The following DZIP1 variants were observed in gnomAD, a reference collection of about 807,000 sequenced individuals.
The protein encoded by DZIP1 is cilium assembly protein DZIP1.
DZIP1 carries 97 observed loss-of-function variants against 107.6 expected under a neutral mutation model. The observed-to-expected ratio is 0.90, with a 90% CI of 0.77 to 1.07. The LOEUF is 1.07. DZIP1 is among the 50% of genes least tolerant of loss of function. The pLI, the probability that DZIP1 is intolerant of heterozygous loss-of-function variation, is 0.00. For missense variants in DZIP1, 1,035 were observed against 1,063.6 expected, an observed-to-expected ratio of 0.97 and a Z score of 0.37; for synonymous variants, 390 against 386.4, an observed-to-expected ratio of 1.01 and a Z score of -0.11.
At chr13:95,620,101 A>C (rs1281456301) in intron 9 of DZIP1, among the ~76,000 whole-genome samples, 154 bp from the exon 10 acceptor site, 5 of 152,228 alleles carry the variant, frequency 3.3e-5, no homozygotes, top group African/African-American at 1.2e-4. Flanking sequence ...TCCCCACTCA[A>C]ATCTCATGTG....
intron 7 of DZIP1, among the ~76,000 whole-genome samples, chr13:95,627,886 A>G (rs1876731758): frequency 6.6e-6 from 1 of 152,250 alleles, no homozygotes; most frequent in Admixed American, 6.5e-5. Context: ...AATGAATCAA[A>G]TGTCATTCAA....
At chr13:95,603,619 C>A (rs763265321) in intron 14 of DZIP1, among the ~76,000 whole-genome samples, 19 of 152,238 alleles carry the variant, frequency 1.2e-4, no homozygotes, top group Non-Finnish European at 2.1e-4. Context: ...CTAATACCAC[C>A]ATTTAGTCAC....
intron 11 of DZIP1, 148 bp from the exon 12 acceptor site, chr13:95,611,641 G>A (rs1470248258): frequency 3.0e-6 from 2 of 675,824 alleles, no homozygotes; most frequent in African/African-American, 3.7e-5. Context: ...AAAGCATAGA[G>A]GCAGAAGTTA....
chr13:95,643,352 A>T (rs1878747072), intron 2 of DZIP1, 95 bp from the exon 3 acceptor site: 1 of 152,226 alleles, frequency 6.6e-6, no homozygotes, highest in Non-Finnish European at 1.5e-5. Flanking sequence ...CACTTTCAAG[A>T]TATTGTTAAC....
At chr13:95,623,058 A>T (rs970608047) in intron 8 of DZIP1, among the ~76,000 whole-genome samples, 12 of 152,064 alleles carry the variant, frequency 7.9e-5, no homozygotes, top group Non-Finnish European at 1.0e-4. Context: ...GGGGCTTAAA[A>T]TTTTTTATGG....
chr13:95,582,156 A>G lies in DZIP1; in HGVS notation c.*78T>C, dbSNP rs2044023874. On this transcript the variant is annotated 3_prime_UTR_variant, in exon 23 of 23. Coordinates refer to ENST00000376829, the MANE Select transcript of DZIP1 (RefSeq NM_198968.4). ...AAACACGGTAAGGCAGAAGCACTAG[A>G]ATCATGGAGGCAAATTACTGAAACA... 2 of 1,396,198 alleles carry G rather than the reference A, an allele frequency of 1.4e-6. No individual in the cohort carries two copies. Among genetic ancestry groups the G allele is most frequent in the East Asian group, 4.6e-5 (2 of 43,738 alleles). The allele number at this position is 1,396,198 out of a possible 1,614,324, so 86.5% of individuals were successfully genotyped here. A position where few individuals can be genotyped will look rare whatever the true frequency, so the allele number is the denominator to read the frequency against.
At chr13:95,619,203 AGGAAAGGTC>A (rs1875509411) in intron 10 of DZIP1, among the ~76,000 whole-genome samples, 2 of 152,246 alleles carry the variant, frequency 1.3e-5, no homozygotes, top group African/African-American at 4.8e-5. Flanking sequence ...TTTAAAACTT[AGGAAAGGTC>A]TATGATATAT....
At chr13:95,596,615 T>C (rs983697868) in intron 15 of DZIP1, among the ~76,000 whole-genome samples, 1 of 152,184 alleles carries the variant, frequency 6.6e-6, no homozygotes, top group East Asian at 1.9e-4. Flanking sequence ...ATGTTGTCAC[T>C]AATTAAACTC....
chr13:95,623,678 C>T (rs1876182520), intron 8 of DZIP1, among the ~76,000 whole-genome samples: 1 of 152,182 alleles, frequency 6.6e-6, no homozygotes, highest in South Asian at 2.1e-4. Context: ...CAGTGGCCCA[C>T]AAATGTAATC....
At chr13:95,610,727 T>C (rs972741571) in intron 12 of DZIP1, among the ~76,000 whole-genome samples, 1 of 152,302 alleles carries the variant, frequency 6.6e-6, no homozygotes, top group Admixed American at 6.5e-5. Context: ...GACTTGAATG[T>C]CCCCTCAGAA....
chr13:95,590,197 A>G (rs2044274489), intron 17 of DZIP1, 82 bp downstream of exon 17: 1 of 1,309,858 alleles, frequency 7.6e-7, no homozygotes, highest in East Asian at 2.3e-5. Flanking sequence ...AATTTGTTTA[A>G]TGATATCTTG....
Position 95,641,882 on chromosome 13 carries a change from C to T in DZIP1, c.37-27G>A. ...TGCGGGGGGCACAAAGAGAGCGCGG[C>T]GGGAGGCGGGGATGGGGGGCGGGCA... On this transcript the variant is annotated intron_variant, in intron 4 of 22. Transcript: ENST00000376829. This position sits in a 1 kb window ranked among gnomAD's most constrained non-coding sequence, Gnocchi z 4.3. 2 of 377,538 alleles carry T rather than the reference C, an allele frequency of 5.3e-6. No homozygotes were observed. The highest frequency in any genetic ancestry group is 7.8e-6 in the Non-Finnish European group (2 of 257,524). 23.4% of individuals were successfully genotyped at this position (377,538 alleles called of 1,614,324 possible).
At chr13:95,632,554 C>T (rs752657224) in intron 6 of DZIP1, among the ~76,000 whole-genome samples, 3 of 152,172 alleles carry the variant, frequency 2.0e-5, no homozygotes, top group South Asian at 2.1e-4. Context: ...TCCACTGTCG[C>T]CCCAACAGTA....
chr13:95,637,503 C>T (rs533708280), intron 5 of DZIP1, among the ~76,000 whole-genome samples: 20 of 152,090 alleles, frequency 1.3e-4, no homozygotes, highest in Non-Finnish European at 2.8e-4. Flanking sequence ...ACTTGCAAGG[C>T]TGAGGCGGAA....
chr13:95,616,851 C>T (rs1875149311), intron 10 of DZIP1, among the ~76,000 whole-genome samples: 1 of 152,044 alleles, frequency 6.6e-6, no homozygotes, highest in Admixed American at 6.5e-5. Flanking sequence ...AATCTGTGGA[C>T]TTTGAGGTTA....
chr13:95,621,664 C>CTGTGTGTG (rs1282902879), intron 9 of DZIP1, among the ~76,000 whole-genome samples: 36 of 86,282 alleles, frequency 4.2e-4, no homozygotes, highest in Non-Finnish European at 7.7e-4. Context: ...GACCAGTTAG[C>CTGTGTGTG]AGTGTGTGTG....
chr13:95,616,550 CAAAT>C (rs1357360553), intron 10 of DZIP1, among the ~76,000 whole-genome samples: 2 of 152,080 alleles, frequency 1.3e-5, no homozygotes, highest in Non-Finnish European at 2.9e-5. Flanking sequence ...AACAAGGAAA[CAAAT>C]AAGCAAGTAA....
rs145695009 is a variant in DZIP1 at position 95,584,905 on chromosome 13, C to T, written c.2355G>A (p.Ala785=). 224 of 1,609,190 alleles carry T rather than the reference C, an allele frequency of 1.4e-4. No individual in the cohort carries two copies. The highest frequency in any genetic ancestry group is 8.0e-4 in the East Asian group (36 of 44,834). The part of the protein sequence containing the change: ...KKEELQELKC[A]DVEDEDWDIS... ...TGTCCCAGTCTTCATCCTCCACATC[C>T]GCACACTAAAAGAAAGGCATGGAGA... Residue 785 remains alanine, a synonymous_variant, in exon 22 of 23, where the codon GCG becomes GCA. Transcript: ENST00000376829.
rs2044023202 is a variant in DZIP1 at position 95,582,135 on chromosome 13, A to G, written c.*99T>C. On this transcript the variant is annotated 3_prime_UTR_variant, in exon 23 of 23. Coordinates refer to ENST00000376829, the MANE Select transcript of DZIP1 (RefSeq NM_198968.4). ...CAGTCTCTGTGTTGCTGTGGGAAACACGGTAAGGCAGAAGCACTAGAATCA... is the reference window on the plus strand; with the variant it reads ...CAGTCTCTGTGTTGCTGTGGGAAACGCGGTAAGGCAGAAGCACTAGAATCA... 1 of 1,137,270 alleles carries G rather than the reference A, an allele frequency of 8.8e-7. No individual in the cohort carries two copies. Among genetic ancestry groups the G allele is most frequent in the South Asian group, 1.3e-5 (1 of 77,300 alleles). The allele number at this position is 1,137,270 out of a possible 1,614,324, so 70.4% of individuals were successfully genotyped here.
Sources: allele counts gnomAD v4.1 joint callset (sites outside exome capture counted in the v4.1 genomes callset), GRCh38; gene constraint gnomAD v4.1.1; non-coding constraint Gnocchi (gnomAD v3.1); transcripts MANE v1.5; gene names NCBI Gene and HGNC (gene_info 2026-07-23, HGNC 2026-07-21).